ZNF423: variants seen among roughly 807,000 people sequenced by gnomAD.
ZNF423 encodes zinc finger protein 423.
In ZNF423, 12 loss-of-function variants were observed where a neutral mutation model predicts 95.8. That is an observed-to-expected ratio of 0.13 (90% CI 0.08 to 0.20). The LOEUF is 0.20. ZNF423 is among the 10% of genes least tolerant of loss of function. ZNF423 has a pLI of 1.00. For synonymous variants in ZNF423, 749 were observed against 711.9 expected (o/e 1.05, Z -0.83); for missense variants, 1,316 against 1,737.1 (o/e 0.76, Z 4.31).
chr16:49,795,017 G>A (rs1224506597), intron 1 of ZNF423, among the ~76,000 whole-genome samples: 4 of 151,710 alleles, frequency 2.6e-5, no homozygotes, highest in Non-Finnish European at 4.4e-5. Context: ...GATTACAGGC[G>A]CTTATCACCA....
Position 49,503,385 on chromosome 16 carries a change from G to A in ZNF423, c.3850-12081C>T, listed in dbSNP as rs768780603. Among the ~76,000 whole-genome samples the A allele has an allele frequency of 9.9e-5, 15 of 152,082 alleles. 1 individual carries two copies. Among genetic ancestry groups the A allele is most frequent in the Admixed American group, 4.6e-4 (7 of 15,280 alleles). On this transcript the variant is annotated intron_variant, in intron 7 of 7. Transcript: ENST00000563137. ...TCCCACCCACACCCGGAACACATCC[G>A]GACTCTGACCACAGCCCAGATGGCC...
intron 3 of ZNF423, among the ~76,000 whole-genome samples, chr16:49,679,958 G>A (rs1198745332): frequency 6.6e-6 from 1 of 152,236 alleles, no homozygotes; most frequent in African/African-American, 2.4e-5. Context: ...GCTGCAGGAA[G>A]GAGCTACCCA....
chr16:49,670,503 C>A (rs1205746370), intron 3 of ZNF423, among the ~76,000 whole-genome samples: 1 of 152,210 alleles, frequency 6.6e-6, no homozygotes, highest in African/African-American at 2.4e-5. Flanking sequence ...TCCCTACCTG[C>A]CCAACTCTGC....
At chr16:49,724,547 G>A (rs1040477468) in intron 3 of ZNF423, among the ~76,000 whole-genome samples, 1 of 152,222 alleles carries the variant, frequency 6.6e-6, no homozygotes, top group Non-Finnish European at 1.5e-5. Flanking sequence ...AAGTCAGTAA[G>A]GCAGGGAGCC....
At chr16:49,818,584 T>C (rs2034891820) in intron 1 of ZNF423, among the ~76,000 whole-genome samples, 1 of 150,696 alleles carries the variant, frequency 6.6e-6, no homozygotes, top group Admixed American at 6.6e-5. Context: ...ATACCCCATG[T>C]CTAAAAATAA....
At chr16:49,835,679 C>T (rs1048117692) in intron 1 of ZNF423, among the ~76,000 whole-genome samples, 3 of 152,224 alleles carry the variant, frequency 2.0e-5, no homozygotes, top group Non-Finnish European at 4.4e-5. Flanking sequence ...CCAAGCAACT[C>T]GATATGGTCC....
chr16:49,641,605 C>T (rs894770657), intron 3 of ZNF423, among the ~76,000 whole-genome samples: 14 of 152,218 alleles, frequency 9.2e-5, no homozygotes, highest in Non-Finnish European at 2.1e-4. Flanking sequence ...ACCTTTCACA[C>T]CACCTGAAGA....
chr16:49,520,612 C>T (rs1243764733), intron 7 of ZNF423, among the ~76,000 whole-genome samples: 5 of 152,186 alleles, frequency 3.3e-5, no homozygotes, highest in African/African-American at 7.2e-5. Flanking sequence ...CTGGAATTTC[C>T]GTGCATAACC....
chr16:49,761,213 T>C (rs2033827477), intron 2 of ZNF423, among the ~76,000 whole-genome samples: 1 of 152,172 alleles, frequency 6.6e-6, no homozygotes, highest in African/African-American at 2.4e-5. Context: ...CTCATAGGAC[T>C]GCTGGTGGTT....
rs1972755512 is a variant in ZNF423, at chr16:49,637,090, T to A, written c.2086A>T (p.Thr696Ser). 1 of 1,613,610 alleles carries A rather than the reference T, an allele frequency of 6.2e-7. No homozygotes were observed. Among genetic ancestry groups the A allele is most frequent in the Admixed American group, 1.7e-5 (1 of 60,002 alleles). ...LQHLTVHYMTTSTHYVCESCD... is the reference protein window; with the variant it reads ...LQHLTVHYMTSSTHYVCESCD... ...CTCTCGCACACATAGTGGGTCGACGTGGTCATGTAATGCACTGTCAGGTGC... is the reference window on the plus strand; with the variant it reads ...CTCTCGCACACATAGTGGGTCGACGAGGTCATGTAATGCACTGTCAGGTGC... Residue 696 changes from threonine (T) to serine (S), a missense_variant, in exon 4 of 8, where the codon ACG becomes TCG. Physicochemically the swap from Thr to Ser is moderately conservative, Grantham distance 58 (BLOSUM62 1). Transcript: ENST00000563137. This position sits in a 1 kb window ranked among gnomAD's most constrained non-coding sequence, Gnocchi z 5.6.
At chr16:49,742,104 C>T (rs1211411638) in intron 2 of ZNF423, among the ~76,000 whole-genome samples, 1 of 152,258 alleles carries the variant, frequency 6.6e-6, no homozygotes, top group Non-Finnish European at 1.5e-5. Flanking sequence ...GAACCATACA[C>T]AGCTCCATGA....
chr16:49,627,784 A>C (rs1972351018), intron 4 of ZNF423, among the ~76,000 whole-genome samples: 1 of 144,948 alleles, frequency 6.9e-6, no homozygotes, highest in Non-Finnish European at 1.5e-5. Context: ...CCACCCATCT[A>C]CATACATTCC....
chr16:49,727,182 G>C (rs1318180446), intron 3 of ZNF423, among the ~76,000 whole-genome samples: 1 of 152,226 alleles, frequency 6.6e-6, no homozygotes, highest in Non-Finnish European at 1.5e-5. Flanking sequence ...GAGAGGAACA[G>C]GACTTGATGG....
intron 3 of ZNF423, among the ~76,000 whole-genome samples, chr16:49,675,549 C>G (rs942689107): frequency 1.1e-4 from 17 of 152,082 alleles, no homozygotes; most frequent in African/African-American, 4.1e-4. Context: ...CCCACAACCA[C>G]GCTGCACCAC....
chr16:49,606,225 G>A (rs971306728), intron 5 of ZNF423, among the ~76,000 whole-genome samples: 2 of 152,064 alleles, frequency 1.3e-5, no homozygotes, highest in Non-Finnish European at 2.9e-5. Context: ...TCTCTTAGAC[G>A]CTCTCCTGTG....
At chr16:49,525,712 T>A (rs1441141928) in intron 5 of ZNF423, among the ~76,000 whole-genome samples, 1 of 152,064 alleles carries the variant, frequency 6.6e-6, no homozygotes, top group Non-Finnish European at 1.5e-5. Context: ...TATGTGGCCC[T>A]TGGAGGTGCC....
At chr16:49,573,106 G>A (rs1007826849) in intron 5 of ZNF423, among the ~76,000 whole-genome samples, 1 of 152,134 alleles carries the variant, frequency 6.6e-6, no homozygotes, top group Admixed American at 6.5e-5. Context: ...ATGAACATGT[G>A]GACGATGGAT....
intron 3 of ZNF423, among the ~76,000 whole-genome samples, chr16:49,718,373 T>C (rs1206643722): frequency 6.6e-6 from 1 of 152,160 alleles, no homozygotes; most frequent in African/African-American, 2.4e-5. Flanking sequence ...GCCACTGCAC[T>C]CCAGTCTGGG....
At chr16:49,602,985 T>A (rs1971425525) in intron 5 of ZNF423, among the ~76,000 whole-genome samples, 1 of 152,222 alleles carries the variant, frequency 6.6e-6, no homozygotes, top group Non-Finnish European at 1.5e-5. Context: ...AGCGCCCGCG[T>A]GGAGCCCTGG....
Sources: gnomAD v4.1 joint callset for allele counts (sites outside exome capture counted in the v4.1 genomes callset) on GRCh38, gnomAD v4.1.1 for gene constraint, Gnocchi (gnomAD v3.1) non-coding constraint, MANE v1.5 for transcripts, NCBI Gene and HGNC (gene_info 2026-07-23, HGNC 2026-07-21) for gene names.